ERAP1: variants seen among roughly 807,000 people sequenced by gnomAD.
ERAP1 encodes the protein adipocyte-derived leucine aminopeptidase.
In ERAP1, 86 loss-of-function variants were observed where a neutral mutation model predicts 103.7. The ratio of observed to expected loss-of-function variants is 0.83; its 90% confidence interval spans 0.70 to 0.99. The LOEUF (loss-of-function observed/expected upper bound fraction) is 0.99, where lower values mean the gene tolerates loss of function less well. ERAP1 is among the 50% of genes least tolerant of loss of function. The pLI is 0.00. For missense variants in ERAP1, 1,009 were observed against 1,128.4 expected (o/e 0.89, Z 1.52); for synonymous variants, 398 against 402.4 (o/e 0.99, Z 0.13).
At chr5:96,894,449 A>C in the ERAP1 span, among the ~76,000 whole-genome samples, 1 of 152,146 alleles carries the variant, frequency 6.6e-6, no homozygotes, top group Non-Finnish European at 1.5e-5. Context: ...TGAATCTTAG[A>C]ATCTTATTGT....
the ERAP1 span, among the ~76,000 whole-genome samples, chr5:96,878,339 G>A: frequency 6.6e-6 from 1 of 152,098 alleles, no homozygotes; most frequent in Non-Finnish European, 1.5e-5. Context: ...CTTTACACCA[G>A]TAGCCATAAA....
At chr5:96,916,765 C>CT in the ERAP1 span, among the ~76,000 whole-genome samples, 73,566 of 144,870 alleles carry the variant, frequency 0.51, 18,564 homozygotes, top group Non-Finnish European at 0.54. Context: ...ACCAGCCTAT[C>CT]TTTTTTTTTT....
the ERAP1 span, among the ~76,000 whole-genome samples, chr5:96,880,589 T>G: frequency 6.6e-6 from 1 of 152,218 alleles, no homozygotes; most frequent in African/African-American, 2.4e-5. Context: ...GAAGTGAGTC[T>G]TCATCTGGGA....
the ERAP1 span, chr5:96,934,268 C>T: frequency 6.6e-6 from 1 of 152,114 alleles, no homozygotes; most frequent in East Asian, 1.9e-4. Context: ...TAAAGCAAGG[C>T]CAAGTCTTTA....
chr5:96,917,404 A>T, the ERAP1 span: 1 of 1,431,794 alleles, frequency 7.0e-7, no homozygotes, highest in Non-Finnish European at 9.5e-7. Flanking sequence ...TACAGGTGTG[A>T]ACCACCACAC....
the ERAP1 span, among the ~76,000 whole-genome samples, chr5:96,818,547 G>C: frequency 8.4e-6 from 1 of 118,868 alleles, no homozygotes; most frequent in African/African-American, 2.9e-5. Context: ...AGAAAAGGAG[G>C]CTAAGCTTGA....
chr5:96,909,958 G>A, the ERAP1 span: 1 of 535,082 alleles, frequency 1.9e-6, no homozygotes, highest in South Asian at 2.5e-5. Flanking sequence ...ACCATGAAAT[G>A]TAATGGTGTC....
upstream of ERAP1, among the ~76,000 whole-genome samples, chr5:96,812,356 G>A (rs1416119189): frequency 6.6e-6 from 1 of 152,182 alleles, no homozygotes; most frequent in Non-Finnish European, 1.5e-5. Context: ...TGAGTTGTTT[G>A]AAATATCAGA....
At chr5:96,903,267 C>A in the ERAP1 span, 1 of 865,162 alleles carries the variant, frequency 1.2e-6, no homozygotes, top group Non-Finnish European at 1.7e-6. Flanking sequence ...TCTCCCCAAA[C>A]TTCATCTTCC....
At chr5:96,891,497 GTGTATATATA>G in the ERAP1 span, among the ~76,000 whole-genome samples, 11 of 85,418 alleles carry the variant, frequency 1.3e-4, no homozygotes, top group Admixed American at 2.7e-4. Context: ...GTGTGTGTGT[GTGTATATATA>G]TATATATATG....
rs189203220 is a variant in ERAP1 at position 96,789,368 on chromosome 5, T to G, written c.1525-683A>C. ...CGGGTGTAGTGGCGTGTGCCTGTAA[T>G]CCCGGCTACCTGGGAGGCTGAGGCA... On this transcript the variant is annotated intron_variant, in intron 10 of 18. Transcript: ENST00000443439. Among the ~76,000 whole-genome samples, 843 of 151,964 alleles carry G rather than the reference T, an allele frequency of 5.5e-3. 6 individuals carry two copies. The highest frequency in any genetic ancestry group is 0.02 in the African/African-American group (826 of 41,410).
At chr5:96,788,933 C>T (rs1251236317) in intron 10 of ERAP1, among the ~76,000 whole-genome samples, 1 of 152,110 alleles carries the variant, frequency 6.6e-6, no homozygotes, top group African/African-American at 2.4e-5. Flanking sequence ...CTAGTTCTGC[C>T]GGGCACACTT....
At chr5:96,850,595 C>T in the ERAP1 span, among the ~76,000 whole-genome samples, 10 of 152,018 alleles carry the variant, frequency 6.6e-5, no homozygotes, top group Non-Finnish European at 1.2e-4. Context: ...GATTAATAAG[C>T]ATTAGCAAAG....
chr5:96,786,039 G>A, intron 12 of ERAP1, 68 bp from the exon 13 acceptor site: 1 of 1,460,088 alleles, frequency 6.8e-7, no homozygotes, highest in Non-Finnish European at 9.5e-7. Flanking sequence ...TCTCATCCAA[G>A]ATTGGGCAAG....
chr5:96,826,802 G>C, the ERAP1 span, among the ~76,000 whole-genome samples: 1 of 152,162 alleles, frequency 6.6e-6, no homozygotes, highest in East Asian at 1.9e-4. Context: ...CCAGCTCACT[G>C]TGTCTCCTTA....
the ERAP1 span, among the ~76,000 whole-genome samples, chr5:96,877,147 G>A: frequency 6.6e-6 from 1 of 152,034 alleles, no homozygotes; most frequent in African/African-American, 2.4e-5. Flanking sequence ...GCTAATTTTT[G>A]TATTTTTAGT....
At chr5:96,853,213 A>G in the ERAP1 span, among the ~76,000 whole-genome samples, 1 of 152,202 alleles carries the variant, frequency 6.6e-6, no homozygotes, top group African/African-American at 2.4e-5. Context: ...CCAAAAACCT[A>G]CTGACAAAGG....
the ERAP1 span, among the ~76,000 whole-genome samples, chr5:96,816,714 G>A: frequency 6.6e-6 from 1 of 152,138 alleles, no homozygotes; most frequent in African/African-American, 2.4e-5. Context: ...TCCCTCCCAT[G>A]TGGGCAAAAC....
At chr5:96,875,201 C>A in the ERAP1 span, among the ~76,000 whole-genome samples, 1 of 151,986 alleles carries the variant, frequency 6.6e-6, no homozygotes, top group Non-Finnish European at 1.5e-5. Flanking sequence ...CTTTAATAAG[C>A]GGTGGGATTT....
Sources: gnomAD v4.1 joint callset for allele counts (sites outside exome capture counted in the v4.1 genomes callset) on GRCh38, gnomAD v4.1.1 for gene constraint, MANE v1.5 for transcripts, NCBI Gene and HGNC (gene_info 2026-07-23, HGNC 2026-07-21) for gene names.